The following CCDC82 variants were observed in gnomAD, a reference collection of about 807,000 sequenced individuals.
CCDC82 encodes the protein coiled-coil domain-containing protein 82.
A neutral mutation model predicts 60.6 loss-of-function variants in CCDC82; 47 were observed. That is an observed-to-expected ratio of 0.77 (90% CI 0.61 to 0.99). The LOEUF is 0.99. CCDC82 is among the 50% of genes least tolerant of loss of function. The pLI, the probability that CCDC82 is intolerant of heterozygous loss-of-function variation, is 0.00. For synonymous variants in CCDC82, 212 were observed against 207.4 expected, an observed-to-expected ratio of 1.02 and a Z score of -0.19; for missense variants, 588 against 633.0, an observed-to-expected ratio of 0.93 and a Z score of 0.76.
intron 6 of CCDC82, among the ~76,000 whole-genome samples, chr11:96,372,637 T>C (rs1056463586): frequency 5.5e-5 from 8 of 144,356 alleles, no homozygotes; most frequent in Non-Finnish European, 9.0e-5. Context: ...TATATATAAA[T>C]ATAAATATAT....
chr11:96,380,164 C>CACAA (rs976148175), intron 5 of CCDC82, among the ~76,000 whole-genome samples: 3 of 151,714 alleles, frequency 2.0e-5, no homozygotes, highest in Middle Eastern at 3.4e-3. Context: ...ACTGGACTGA[C>CACAA]ACAAGCAAGA....
chr11:96,384,495 GCT>G lies in CCDC82; in HGVS notation c.251_252del (p.Glu84AlafsTer5). 6.2e-7 allele frequency: 1 copy of G among 1,613,674 alleles called. No homozygotes were observed. The highest frequency in any genetic ancestry group is 8.5e-7 in the Non-Finnish European group (1 of 1,179,788). On this transcript the variant is annotated frameshift_variant, in exon 4 of 10. Transcript: ENST00000646818. LOFTEE classifies it high-confidence loss of function. ...DCNKTPGSER[E>X]LNLSKIQSEG... ...TCACTTTGAATTTTACTTAAGTTGA[GCT>G]CTCTTTCACTTCCTGGTGTTTTATT...
chr11:96,359,430 A>G (rs1244657576), intron 8 of CCDC82: 10 of 339,488 alleles, frequency 2.9e-5, no homozygotes, highest in Non-Finnish European at 4.2e-5. Flanking sequence ...GTTTTGAGAG[A>G]AAGACAAATG....
intron 5 of CCDC82, among the ~76,000 whole-genome samples, chr11:96,376,236 C>G (rs772909787): frequency 6.6e-6 from 1 of 152,020 alleles, no homozygotes; most frequent in African/African-American, 2.4e-5. Context: ...ACCATCTGCC[C>G]TTCCTACTGG....
chr11:96,353,528 A>G lies in CCDC82; in HGVS notation c.*118T>C. The G allele has an allele frequency of 1.3e-6, 1 of 788,432 alleles. No homozygotes were observed. The highest frequency in any genetic ancestry group is 1.5e-5 in the South Asian group (1 of 65,104). 48.8% of individuals were successfully genotyped at this position (788,432 alleles called of 1,614,324 possible). Reference sequence around the variant, plus strand: ...ATTAAGATAATCATGTTTTAAACAAAATATTTTGCCATGAAGATATAGATA... The same window carrying G: ...ATTAAGATAATCATGTTTTAAACAAGATATTTTGCCATGAAGATATAGATA... On this transcript the variant is annotated 3_prime_UTR_variant, in exon 10 of 10. Transcript: ENST00000646818.
chr11:96,388,575 T>G (rs1866342077), intron 1 of CCDC82: 1 of 152,222 alleles, frequency 6.6e-6, no homozygotes, highest in Non-Finnish European at 1.5e-5. Context: ...ACACAGTAAC[T>G]CTATAGCTAA....
chr11:96,366,757 C>T (rs1474507767), intron 7 of CCDC82, among the ~76,000 whole-genome samples: 1 of 152,034 alleles, frequency 6.6e-6, no homozygotes, highest in Admixed American at 6.5e-5. Flanking sequence ...CATGGGGTTA[C>T]TTTGAAGATA....
intron 8 of CCDC82, 44 bp from the exon 9 acceptor site, chr11:96,359,222 T>A (rs1309149301): frequency 6.9e-7 from 1 of 1,457,278 alleles, no homozygotes. Flanking sequence ...CGAATATATA[T>A]CCTTTCTGGT....
In CCDC82 at chr11:96,356,982, A is replaced by G. The variant is rs1444882927; in HGVS notation, c.1566+2011T>C. ...TGACATAAATGGGAAATATGAGCGG[A>G]AAGTGCCATGGAGACGGCATTCAAG... On this transcript the variant is annotated intron_variant, in intron 9 of 9. Coordinates refer to ENST00000646818, the MANE Select transcript of CCDC82 (RefSeq NM_024725.4). 27 of 985,486 alleles carry G rather than the reference A, an allele frequency of 2.7e-5. No individual in the cohort carries two copies. In the South Asian group the frequency reaches 8.9e-4, roughly 33 times the overall value. 61.0% of individuals were successfully genotyped at this position (985,486 alleles called of 1,614,324 possible).
chr11:96,358,911 T>G, intron 9 of CCDC82, 82 bp downstream of exon 9: 1 of 1,216,704 alleles, frequency 8.2e-7, no homozygotes, highest in Non-Finnish European at 1.2e-6. Context: ...AATTTCACTA[T>G]CTTTTAATCA....
intron 5 of CCDC82, among the ~76,000 whole-genome samples, chr11:96,379,058 TC>T (rs1865733608): frequency 6.6e-6 from 1 of 151,962 alleles, no homozygotes; most frequent in Non-Finnish European, 1.5e-5. Flanking sequence ...GGAGATTTTC[TC>T]CCAAATTCTC....
chr11:96,374,667 CTCATG>C (rs1193034498), intron 5 of CCDC82, among the ~76,000 whole-genome samples: 3 of 151,968 alleles, frequency 2.0e-5, no homozygotes, highest in Non-Finnish European at 4.4e-5. Context: ...CACAGGTAAA[CTCATG>C]TCATAAGGGT....
chr11:96,371,256 T>C (rs1298251364), intron 6 of CCDC82, 119 bp from the exon 7 acceptor site: 3 of 652,312 alleles, frequency 4.6e-6, no homozygotes, highest in Non-Finnish European at 2.3e-6. Flanking sequence ...GGAAAAAAAA[T>C]ATTTAAAAAA....
chr11:96,359,642 T>TA lies in CCDC82; in HGVS notation c.1381-465dup, dbSNP rs139619843. Among the ~76,000 whole-genome samples, 641 of 81,312 alleles carry TA rather than the reference T, an allele frequency of 7.9e-3. 11 individuals carry two copies. Among genetic ancestry groups the TA allele is most frequent in the South Asian group, 0.012 (26 of 2,222 alleles). The allele number at this position is 81,312 out of a possible 152,430, so 53.3% of individuals were successfully genotyped here. A position where few individuals can be genotyped will look rare whatever the true frequency, so the allele number is the denominator to read the frequency against. On this transcript the variant is annotated intron_variant, in intron 8 of 9. Transcript: ENST00000646818. ...ATGAAAGGCAGAAGGATGGGCAAAG[T>TA]AAAAAAAAAAAAAAAAAAAAAAAGC...
rs1463409202 is a variant in CCDC82 at position 96,365,092 on chromosome 11, G to T, written c.1268C>A (p.Ser423Tyr). 8 of 1,605,436 alleles carry T rather than the reference G, an allele frequency of 5.0e-6. No homozygotes were observed. Among genetic ancestry groups the T allele is most frequent in the Non-Finnish European group, 6.8e-6 (8 of 1,175,628 alleles). ...GCGATGCAGTCCACAAGCCTGGCAG[G>T]AACAGTTTTCAGGATTCTTCAAATG... ...SIHLKNPENC[S>Y]CQACGLHRYC... The change falls in exon 8 of 10, where the codon TCC becomes TAC. Residue 423 changes from serine to tyrosine, a missense_variant. Coordinates refer to ENST00000646818, the MANE Select transcript of CCDC82 (RefSeq NM_024725.4).
At chr11:96,388,984 C>T (rs1411754962) in intron 1 of CCDC82, 1 of 152,326 alleles carries the variant, frequency 6.6e-6, no homozygotes, top group East Asian at 1.9e-4. Context: ...GATGAAATTA[C>T]TAGGGACACC....
intron 7 of CCDC82, among the ~76,000 whole-genome samples, chr11:96,367,630 A>G (rs905655817): frequency 5.3e-5 from 8 of 152,316 alleles, no homozygotes; most frequent in Admixed American, 5.2e-4. Flanking sequence ...CAAGTCATCC[A>G]GGAGGGTTGG....
Position 96,384,407 on chromosome 11 carries a change from T to A in CCDC82, c.341A>T (p.Asn114Ile). The A allele has an allele frequency of 6.2e-7, 1 of 1,613,868 alleles. No homozygotes were observed. Among genetic ancestry groups the A allele is most frequent in the Non-Finnish European group, 8.5e-7 (1 of 1,179,842 alleles). Residue 114 changes from asparagine to isoleucine, a missense_variant, in exon 4 of 10, where the codon AAC becomes ATC. Coordinates refer to ENST00000646818, the MANE Select transcript of CCDC82 (RefSeq NM_024725.4). ...GTCAATATTCCTATGTTTGATTTTG[T>A]TCGTTTCTTCTTCATATGTTGAACC... The part of the protein sequence containing the change: ...GNGSTYEEET[N>I]KIKHRNIDLQ...
chr11:96,358,566 C>T, intron 9 of CCDC82: 3 of 1,235,494 alleles, frequency 2.4e-6, no homozygotes, highest in African/African-American at 1.6e-5. Flanking sequence ...AGCCGAGATC[C>T]TTTCCTCAGA....
Sources: allele counts gnomAD v4.1 joint callset (sites outside exome capture counted in the v4.1 genomes callset), GRCh38; gene constraint gnomAD v4.1.1; transcripts MANE v1.5; gene names NCBI Gene and HGNC (gene_info 2026-07-23, HGNC 2026-07-21).